The following DENND4A variants were observed in gnomAD, a reference collection of about 807,000 sequenced individuals.
DENND4A encodes the protein DENN domain containing 4A.
In DENND4A, 70 loss-of-function variants were observed where a neutral mutation model predicts 199.3. The ratio of observed to expected loss-of-function variants is 0.35; its 90% CI spans 0.29 to 0.43. DENND4A has a LOEUF of 0.43. Ranked by LOEUF, DENND4A falls within the 20% of genes least tolerant of loss-of-function variation. The probability of loss-of-function intolerance (pLI) is 1.00; values close to 1 mark genes in which losing one functional copy is unlikely to be tolerated. For missense variants in DENND4A, 1,723 were observed against 2,255.8 expected (o/e 0.76, Z 4.78); for synonymous variants, 686 against 766.9 (o/e 0.89, Z 1.74).
chr15:65,721,656 C>G (rs1202191515), intron 12 of DENND4A, among the ~76,000 whole-genome samples: 1 of 150,952 alleles, frequency 6.6e-6, no homozygotes, highest in Non-Finnish European at 1.5e-5. Context: ...GGATGGAGTG[C>G]AGTGGCATGA....
rs751535851 is a variant in DENND4A, at chr15:65,690,566, A to G, written c.4028T>C (p.Leu1343Ser). Residue 1343 changes from leucine (L) to serine (S), a missense_variant, in exon 23 of 33, where the codon TTA (leucine) becomes TCA (serine). Physicochemically the swap from Leu to Ser is moderately radical, Grantham distance 145. Around this residue, in one of 6 missense-constraint regions of DENND4A, gnomAD observed 650 missense variants for 738.1 expected, o/e 0.88. Transcript: ENST00000443035. ...GTTAAATGAAGGTGATGAGTGGGTT[A>G]ATGTATCCTGAGATTCTTCCCTAAA... is the stretch of plus-strand genomic sequence containing the variant. ...CPFREESQDT[L>S]THSSPSFNLD... 1 of 1,613,684 alleles carries G rather than the reference A, an allele frequency of 6.2e-7. No homozygotes were observed. Among genetic ancestry groups the G allele is most frequent in the Non-Finnish European group, 8.5e-7 (1 of 1,179,728 alleles).
In DENND4A at chr15:65,691,148, A is replaced by G; in HGVS notation, c.3446T>C (p.Phe1149Ser). 2 of 1,613,464 alleles carry G rather than the reference A, an allele frequency of 1.2e-6. No individual in the cohort carries two copies. The highest frequency in any genetic ancestry group is 1.7e-6 in the Non-Finnish European group (2 of 1,179,738). ...ATCTGCCAAATAGTTAGAACCATCA[A>G]AAGGTGTATCATCATCACTAGATTC... Reference protein sequence around the residue: ...EKESSDDDTPFDGSNYLADKV... With the variant: ...EKESSDDDTPSDGSNYLADKV... The change falls in exon 23 of 33, where the codon TTT becomes TCT. Residue 1149 changes from phenylalanine (F) to serine (S), a missense_variant. Physicochemically the swap from Phe to Ser is radical, Grantham distance 155. Coordinates refer to ENST00000443035, the MANE Select transcript of DENND4A (RefSeq NM_001320835.1).
intron 1 of DENND4A, among the ~76,000 whole-genome samples, chr15:65,790,563 T>C (rs574276485): frequency 6.6e-6 from 1 of 152,282 alleles, no homozygotes; most frequent in South Asian, 2.1e-4. Flanking sequence ...TAACATATTA[T>C]ATATAATGAT....
rs192241706 is a variant in DENND4A, at chr15:65,763,010, A to T, written c.-101-1572T>A. 2.0e-4 allele frequency among the ~76,000 whole-genome samples: 31 copies of T among 152,326 alleles called. 2 individuals carry two copies. The highest frequency in any genetic ancestry group is 1.8e-3 in the Admixed American group (27 of 15,286). ...CAATATGCCAGTATCTTATTTTTTT[A>T]AATTAAGTAATTTAGTAACTTGTAA... On this transcript the variant is annotated intron_variant, in intron 1 of 32. Transcript: ENST00000443035.
At chr15:65,711,186 G>A (rs1279618344) in intron 14 of DENND4A, among the ~76,000 whole-genome samples, 2 of 152,182 alleles carry the variant, frequency 1.3e-5, no homozygotes, top group Non-Finnish European at 2.9e-5. Flanking sequence ...CTGTCAAAGA[G>A]CTATGACATT....
At chr15:65,744,293 G>A (rs1048261755) in intron 4 of DENND4A, among the ~76,000 whole-genome samples, 5 of 152,196 alleles carry the variant, frequency 3.3e-5, no homozygotes, top group Admixed American at 3.3e-4. Flanking sequence ...CAGGTTTGGG[G>A]TGAAGATAAG....
intron 8 of DENND4A, among the ~76,000 whole-genome samples, 200 bp downstream of exon 8, chr15:65,732,552 C>T (rs1195195842): frequency 6.6e-6 from 1 of 152,054 alleles, no homozygotes; most frequent in Non-Finnish European, 1.5e-5. Flanking sequence ...TTCTTGAACC[C>T]GTTCTCTAAG....
intron 15 of DENND4A, 89 bp from the exon 16 acceptor site, chr15:65,703,097 C>A: frequency 8.4e-7 from 1 of 1,184,670 alleles, no homozygotes; most frequent in South Asian, 1.6e-5. Flanking sequence ...TAATTACGAC[C>A]AATAACTTCT....
intron 24 of DENND4A, among the ~76,000 whole-genome samples, chr15:65,675,688 GA>G (rs2076352094): frequency 6.6e-6 from 1 of 152,098 alleles, no homozygotes; most frequent in Admixed American, 6.5e-5. Flanking sequence ...AAAACTGACT[GA>G]AATACATTCC....
intron 19 of DENND4A, 88 bp downstream of exon 19, chr15:65,700,963 A>G (rs1295644663): frequency 1.4e-6 from 2 of 1,411,524 alleles, no homozygotes; most frequent in African/African-American, 3.0e-5. Flanking sequence ...AACATTCAAT[A>G]TTTTAAAACT....
chr15:65,780,780 C>T lies in DENND4A; in HGVS notation c.-102+11230G>A, dbSNP rs1223546210. 3.3e-5 allele frequency among the ~76,000 whole-genome samples: 5 copies of T among 152,338 alleles called. No homozygotes were observed. In the East Asian group the frequency reaches 7.7e-4, roughly 23 times the overall value. On this transcript the variant is annotated intron_variant, in intron 1 of 32. Coordinates refer to ENST00000443035, the MANE Select transcript of DENND4A (RefSeq NM_001320835.1). ...AAACACCTTATGAAGGCATCAATAA[C>T]CCCATTTACAGGGAAGAAAATGAGG...
At chr15:65,677,104 C>T (rs912621676) in intron 23 of DENND4A, among the ~76,000 whole-genome samples, 1 of 151,778 alleles carries the variant, frequency 6.6e-6, no homozygotes, top group African/African-American at 2.4e-5. Context: ...GATTTTTACA[C>T]GAAAAAAATT....
rs551308646 is a variant in DENND4A, at chr15:65,667,401, A to G, written c.5241+48T>C. 114 of 1,574,162 alleles carry G rather than the reference A, an allele frequency of 7.2e-5. No homozygotes were observed. The Admixed American group carries it at 1.0e-3, about 14-fold the overall frequency. ...TAATCATTAGGAATATGCAAACATT[A>G]CAATGGTAACAGAAGCATTCATTGC... On this transcript the variant is annotated intron_variant, in intron 29 of 32. Transcript: ENST00000443035.
chr15:65,750,659 C>T (rs775325407), intron 4 of DENND4A, among the ~76,000 whole-genome samples: 8 of 152,042 alleles, frequency 5.3e-5, no homozygotes, highest in South Asian at 2.1e-4. Flanking sequence ...CCTTCATTTT[C>T]TCACTTTCTA....
At chr15:65,673,906 T>A (rs1441690704) in intron 24 of DENND4A, among the ~76,000 whole-genome samples, 1 of 152,228 alleles carries the variant, frequency 6.6e-6, no homozygotes, top group Admixed American at 6.5e-5. Flanking sequence ...ATCTACAGTA[T>A]AGAATATTCA....
At chr15:65,702,823 A>G (rs756156123) in intron 16 of DENND4A, 50 bp downstream of exon 16, 21 of 1,532,710 alleles carry the variant, frequency 1.4e-5, no homozygotes, top group Non-Finnish European at 1.9e-5. Context: ...TAAATATCCA[A>G]TTTATTTCTT....
intron 9 of DENND4A, 103 bp from the exon 10 acceptor site, chr15:65,729,781 A>G: frequency 9.7e-7 from 1 of 1,033,756 alleles, no homozygotes; most frequent in Non-Finnish European, 1.4e-6. Flanking sequence ...GATTTGTATT[A>G]TATATGTTGA....
intron 10 of DENND4A, 106 bp from the exon 11 acceptor site, chr15:65,729,353 C>T (rs749109830): frequency 2.2e-5 from 31 of 1,379,002 alleles, no homozygotes; most frequent in Non-Finnish European, 3.1e-5. Flanking sequence ...AAGCCTAATG[C>T]CTGATAATGA....
intron 32 of DENND4A, among the ~76,000 whole-genome samples, chr15:65,662,874 T>G (rs1040003289): frequency 1.3e-5 from 2 of 152,174 alleles, no homozygotes; most frequent in Non-Finnish European, 2.9e-5. Context: ...CTTCTCTAGC[T>G]TGGAGGTCCG....
Sources: gnomAD v4.1 joint callset for allele counts (sites outside exome capture counted in the v4.1 genomes callset) on GRCh38, gnomAD v4.1.1 for gene constraint, gnomAD v4.1.1 regional missense constraint, MANE v1.5 for transcripts, NCBI Gene and HGNC (gene_info 2026-07-23, HGNC 2026-07-21) for gene names.